The following PPIL2 variants were observed in gnomAD, a reference collection of about 807,000 sequenced individuals.
PPIL2 encodes the protein RING-type E3 ubiquitin-protein ligase PPIL2.
Under a neutral mutation model 75.2 loss-of-function variants are expected in PPIL2, and 50 were observed. The ratio of observed to expected loss-of-function variants is 0.66; its 90% CI spans 0.53 to 0.84. PPIL2 has a LOEUF of 0.84. Among genes scored for constraint, PPIL2 ranks in the 40% least tolerant of loss-of-function variants. The pLI, the probability that PPIL2 is intolerant of heterozygous loss-of-function variation, is 0.00. For synonymous variants in PPIL2, 245 were observed against 258.8 expected (o/e 0.95, Z 0.51); for missense variants, 590 against 685.0 (o/e 0.86, Z 1.55).
intron 16 of PPIL2, 130 bp from the exon 17 acceptor site, chr22:21,694,463 C>G: frequency 2.0e-6 from 2 of 991,104 alleles, no homozygotes; most frequent in South Asian, 3.0e-5. Context: ...CATCGCCTTC[C>G]TGGCTGCTGC....
Position 21,697,069 on chromosome 22 carries a change from G to C in PPIL2, c.*1579G>C, listed in dbSNP as rs2067966591. On this transcript the variant is annotated 3_prime_UTR_variant, in exon 20 of 20. Transcript: ENST00000398831. ...TGGTCGGGCCCCTGGGCTCTAGAGT[G>C]ACTTTTGACGCCCTCCATCCCTCCC... The C allele has an allele frequency of 2.2e-6, 3 of 1,385,928 alleles. No individual in the cohort carries two copies. In the East Asian group the frequency reaches 7.5e-5, roughly 35 times the overall value. The allele number at this position is 1,385,928 out of a possible 1,614,324, so 85.9% of individuals were successfully genotyped here. A position where few individuals can be genotyped will look rare whatever the true frequency, so the allele number is the denominator to read the frequency against.
In PPIL2 at chr22:21,694,920, G is replaced by A. The variant is rs1055842662; in HGVS notation, c.1333-17G>A. The A allele has an allele frequency of 8.1e-6, 13 of 1,611,412 alleles. 1 individual carries two copies. Among genetic ancestry groups the A allele is most frequent in the African/African-American group, 5.3e-5 (4 of 74,878 alleles). On this transcript the variant is annotated splice_polypyrimidine_tract_variant and intron_variant, in intron 18 of 19. Coordinates refer to ENST00000398831, the MANE Select transcript of PPIL2 (RefSeq NM_014337.4). ...CCCGAGGTGCTGCCGGTTAGCCAGC[G>A]CCCTGTTGTGCCACAGATTGCGCAG... is the stretch of plus-strand genomic sequence containing the variant.
At position 21,666,075 on chromosome 22, in the gene PPIL2, C is replaced by T. The variant is rs773319215; in HGVS notation, c.-25C>T. The T allele has an allele frequency of 6.8e-6, 11 of 1,610,886 alleles. No individual in the cohort carries two copies. The highest frequency in any genetic ancestry group is 6.7e-5 in the Admixed American group (4 of 59,598). On this transcript the variant is annotated 5_prime_UTR_variant, in exon 1 of 20. Coordinates refer to ENST00000398831, the MANE Select transcript of PPIL2 (RefSeq NM_014337.4). ...TTGTCAGCCGTTGTTTTTTCGTGCTCGCTAGTCGCCGCCGCCGCTCCGCCA... is the reference window on the plus strand; with the variant it reads ...TTGTCAGCCGTTGTTTTTTCGTGCTTGCTAGTCGCCGCCGCCGCTCCGCCA...
intron 14 of PPIL2, 110 bp downstream of exon 14, chr22:21,688,216 A>G: frequency 7.2e-7 from 1 of 1,392,150 alleles, no homozygotes; most frequent in African/African-American, 1.4e-5. Context: ...CTGCTAGACC[A>G]GGGTGGAACG....
chr22:21,685,661 G>C (rs779689436), intron 10 of PPIL2: 9 of 451,674 alleles, frequency 2.0e-5, no homozygotes, highest in South Asian at 1.4e-4. Flanking sequence ...TGTCTAAGCT[G>C]GTCTTGAATT....
rs2067433546 is a variant in PPIL2 at position 21,687,699 on chromosome 22, C to T, written c.954C>T (p.Gly318=). The change falls in exon 13 of 20, where the codon GGC becomes GGT. Residue 318 remains glycine (G), a synonymous_variant. Transcript: ENST00000398831. ...TTTGCAAGAAGCATTATTACGATGG[C>T]ACCATCTTCCACAGATCCATCCGGA... is the stretch of plus-strand genomic sequence containing the variant. ...IRLCKKHYYD[G]TIFHRSIRNF... 6.2e-7 allele frequency: 1 copy of T among 1,613,662 alleles called. No individual in the cohort carries two copies. Among genetic ancestry groups the T allele is most frequent in the African/African-American group, 1.3e-5 (1 of 75,034 alleles).
At chr22:21,693,971 C>T in intron 16 of PPIL2, 99 bp downstream of exon 16, 2 of 1,271,668 alleles carry the variant, frequency 1.6e-6, no homozygotes, top group Non-Finnish European at 2.3e-6. Context: ...GGACCTGAGT[C>T]ATGTGCCATG....
At position 21,668,912 on chromosome 22, in the gene PPIL2, T is replaced by C. The variant is rs1317657344; in HGVS notation, c.33-1001T>C. ...ATTTTCAGTAGAGACGGGGTTTCACTGTGTTAGCCAGGATGGTCTCCATCT... is the reference window on the plus strand; with the variant it reads ...ATTTTCAGTAGAGACGGGGTTTCACCGTGTTAGCCAGGATGGTCTCCATCT... On this transcript the variant is annotated intron_variant, in intron 1 of 19. Coordinates refer to ENST00000398831, the MANE Select transcript of PPIL2 (RefSeq NM_014337.4). Among the ~76,000 whole-genome samples the C allele has an allele frequency of 1.2e-4, 18 of 151,746 alleles. No homozygotes were observed. In the East Asian group the frequency reaches 3.0e-3, roughly 25 times the overall value.
chr22:21,668,721 T>C (rs1260303193), intron 1 of PPIL2, among the ~76,000 whole-genome samples: 1 of 151,118 alleles, frequency 6.6e-6, no homozygotes, highest in Non-Finnish European at 1.5e-5. Context: ...ACCATTTTTT[T>C]TTTTTTTTGA....
chr22:21,694,020 G>A (rs551138265), intron 16 of PPIL2, 148 bp downstream of exon 16: 2 of 892,270 alleles, frequency 2.2e-6, no homozygotes, highest in East Asian at 2.7e-5. Flanking sequence ...ATGCAGAGCT[G>A]CGATGGAGGG....
In PPIL2 at chr22:21,697,097, C is replaced by A; in HGVS notation, c.*1607C>A. The stretch of plus-strand genomic sequence containing the variant: ...TTTTGACGCCCTCCATCCCTCCCGC[C>A]AGGCACTGTCCTCCGCAAGGCCTGG... On this transcript the variant is annotated 3_prime_UTR_variant, in exon 20 of 20. Transcript: ENST00000398831. 1 of 1,163,132 alleles carries A rather than the reference C, an allele frequency of 8.6e-7. No individual in the cohort carries two copies. The highest frequency in any genetic ancestry group is 1.2e-6 in the Non-Finnish European group (1 of 830,570). The allele number at this position is 1,163,132 out of a possible 1,614,324, so 72.1% of individuals were successfully genotyped here.
In PPIL2 at chr22:21,695,840, A is replaced by G; in HGVS notation, c.*350A>G. The G allele has an allele frequency of 8.6e-7, 1 of 1,156,586 alleles. No homozygotes were observed. Among genetic ancestry groups the G allele is most frequent in the East Asian group, 6.2e-5 (1 of 16,128 alleles). 71.6% of individuals were successfully genotyped at this position (1,156,586 alleles called of 1,614,324 possible). On this transcript the variant is annotated 3_prime_UTR_variant, in exon 20 of 20. Coordinates refer to ENST00000398831, the MANE Select transcript of PPIL2 (RefSeq NM_014337.4). ...GTCTCCAGATTGTGGTTTCCTCTTT[A>G]AGACAGGGTCTTGCTCTGTTGCCCA...
intron 16 of PPIL2, among the ~76,000 whole-genome samples, chr22:21,694,309 C>A (rs1323137947): frequency 6.6e-6 from 1 of 152,098 alleles, no homozygotes; most frequent in Non-Finnish European, 1.5e-5. Flanking sequence ...TTTACCAAAC[C>A]AGCGGGGAGA....
intron 9 of PPIL2, among the ~76,000 whole-genome samples, chr22:21,684,153 G>T (rs999870862): frequency 6.6e-6 from 1 of 151,740 alleles, no homozygotes; most frequent in African/African-American, 2.4e-5. Context: ...GCTACAGTGA[G>T]CTGAGATCTT....
At position 21,695,426 on chromosome 22, in the gene PPIL2, G is replaced by C. The variant is rs772434566; in HGVS notation, c.1499G>C (p.Ser500Thr). The change falls in exon 20 of 20, where the codon AGT becomes ACT. Residue 500 changes from serine (S) to threonine (T), a missense_variant. Ser to Thr is a moderately conservative substitution (Grantham distance 58). Transcript: ENST00000398831. The stretch of plus-strand genomic sequence containing the variant: ...GCAGCAGAGGAAGAGCCCTCAACCA[G>C]TGCCACTGTCCCCATGTCCAAGAAG... ...KRAAEEEPSTSATVPMSKKKP... is the reference protein window; with the variant it reads ...KRAAEEEPSTTATVPMSKKKP... 3 of 1,610,512 alleles carry C rather than the reference G, an allele frequency of 1.9e-6. No individual in the cohort carries two copies. The highest frequency in any genetic ancestry group is 2.5e-6 in the Non-Finnish European group (3 of 1,178,460).
intron 15 of PPIL2, among the ~76,000 whole-genome samples, chr22:21,692,192 G>A (rs911989463): frequency 1.0e-4 from 15 of 148,460 alleles, no homozygotes; most frequent in African/African-American, 2.5e-4. Flanking sequence ...GTCTCGCTCC[G>A]TCCCCCAGGC....
chr22:21,688,111 G>A lies in PPIL2; in HGVS notation c.1021+5G>A, dbSNP rs1404434503. On this transcript the variant is annotated splice_donor_5th_base_variant and intron_variant, in intron 14 of 19. Coordinates refer to ENST00000398831, the MANE Select transcript of PPIL2 (RefSeq NM_014337.4). ...ACCCCACAGGCACAGGCACGGGTAG[G>A]TACTGGTGCTGGGCCCCTCTCTGGG... The A allele has an allele frequency of 1.2e-6, 2 of 1,614,200 alleles. No homozygotes were observed. The highest frequency in any genetic ancestry group is 1.7e-5 in the Admixed American group (1 of 60,030).
At position 21,696,443 on chromosome 22, in the gene PPIL2, T is replaced by C; in HGVS notation, c.*953T>C. 1 of 1,195,012 alleles carries C rather than the reference T, an allele frequency of 8.4e-7. No homozygotes were observed. The highest frequency in any genetic ancestry group is 5.7e-5 in the East Asian group (1 of 17,538). The allele number at this position is 1,195,012 out of a possible 1,614,324, so 74.0% of individuals were successfully genotyped here. On this transcript the variant is annotated 3_prime_UTR_variant, in exon 20 of 20. Transcript: ENST00000398831. ...CGGCCACTGGGCTCCAAGACTCTGC[T>C]CCTCCTGTCAGTCACTGACTCTGAT...
chr22:21,690,287 G>A (rs2067564787), intron 15 of PPIL2, among the ~76,000 whole-genome samples: 1 of 152,012 alleles, frequency 6.6e-6, no homozygotes, highest in South Asian at 2.1e-4. Context: ...GGGAGGGTGA[G>A]GTGGGGGGAT....
Sources: allele counts gnomAD v4.1 joint callset (sites outside exome capture counted in the v4.1 genomes callset), GRCh38; gene constraint gnomAD v4.1.1; transcripts MANE v1.5; gene names NCBI Gene and HGNC (gene_info 2026-07-23, HGNC 2026-07-21).